The following ELP4 variants were observed in gnomAD, a reference collection of about 807,000 sequenced individuals.
ELP4 encodes the protein elongator complex protein 4.
A neutral mutation model predicts 48.9 loss-of-function variants in ELP4; 51 were observed. The ratio of observed to expected loss-of-function variants is 1.04; its 90% CI spans 0.83 to 1.32. ELP4 has a LOEUF of 1.32. Among genes scored for constraint, ELP4 ranks in the 40% most tolerant of loss-of-function variants. ELP4 has a pLI of 0.00. For synonymous variants in ELP4, 210 were observed against 189.2 expected, an observed-to-expected ratio of 1.11 and a Z score of -0.90; for missense variants, 519 against 514.6, an observed-to-expected ratio of 1.01 and a Z score of -0.08.
At chr11:31,531,221 G>C (rs1196937398) in intron 2 of ELP4, among the ~76,000 whole-genome samples, 1 of 152,086 alleles carries the variant, frequency 6.6e-6, no homozygotes, top group Non-Finnish European at 1.5e-5. Flanking sequence ...TGTATAAAAT[G>C]GTGTGTTTTC....
chr11:31,755,383 A>G (rs1947812082), intron 9 of ELP4, among the ~76,000 whole-genome samples: 1 of 152,232 alleles, frequency 6.6e-6, no homozygotes, highest in South Asian at 2.1e-4. Flanking sequence ...CTTACAAAGT[A>G]TAAGGTAAAA....
At chr11:31,646,212 G>A (rs1182633747) in intron 7 of ELP4, 1 of 151,728 alleles carries the variant, frequency 6.6e-6, no homozygotes, top group African/African-American at 2.4e-5. Flanking sequence ...TCCAAACTAT[G>A]TTTTTCTATA....
chr11:31,743,700 G>A (rs1378235097), intron 9 of ELP4, among the ~76,000 whole-genome samples: 3 of 151,930 alleles, frequency 2.0e-5, no homozygotes, highest in East Asian at 3.9e-4. Context: ...TGCAACCAAC[G>A]AGAACAAAGA....
chr11:31,518,363 C>T (rs1428443433), intron 1 of ELP4, among the ~76,000 whole-genome samples: 11 of 152,154 alleles, frequency 7.2e-5, no homozygotes. Context: ...GCCTCAGCCT[C>T]CCAAAGTGCT....
chr11:31,705,371 G>A (rs146270321), intron 9 of ELP4, among the ~76,000 whole-genome samples: 79 of 152,236 alleles, frequency 5.2e-4, no homozygotes, highest in African/African-American at 1.9e-3. Context: ...AAGCCCCACT[G>A]TCAAATACCA....
intron 6 of ELP4, among the ~76,000 whole-genome samples, chr11:31,628,979 C>CT (rs924551852): frequency 1.3e-5 from 2 of 151,618 alleles, no homozygotes; most frequent in East Asian, 1.9e-4. Context: ...AAGTTTTTAT[C>CT]TTTTTTTTAA....
intron 9 of ELP4, among the ~76,000 whole-genome samples, chr11:31,695,590 G>T (rs1012428243): frequency 1.7e-4 from 25 of 150,964 alleles, no homozygotes; most frequent in Non-Finnish European, 2.8e-4. Context: ...CTGCATAGAT[G>T]TTCATCAGGG....
intron 9 of ELP4, among the ~76,000 whole-genome samples, chr11:31,731,930 T>A (rs1403575662): frequency 2.7e-5 from 4 of 150,618 alleles, no homozygotes; most frequent in South Asian, 2.1e-4. Context: ...AAAAAAAAAA[T>A]TGCCAACAAA....
At chr11:31,552,438 T>C (rs560579929) in intron 3 of ELP4, among the ~76,000 whole-genome samples, 1 of 152,234 alleles carries the variant, frequency 6.6e-6, no homozygotes, top group East Asian at 1.9e-4. Context: ...ATTACTTTAG[T>C]CTATTGGAGA....
intron 9 of ELP4, chr11:31,779,847 G>A (rs970643775): frequency 1.3e-5 from 2 of 152,124 alleles, no homozygotes; most frequent in African/African-American, 4.8e-5. Flanking sequence ...AAAGTAGGCA[G>A]CCAGCCAGCC....
At chr11:31,718,153 G>A (rs1330095809) in intron 9 of ELP4, among the ~76,000 whole-genome samples, 2 of 152,094 alleles carry the variant, frequency 1.3e-5, no homozygotes, top group African/African-American at 4.8e-5. Flanking sequence ...CTGAATATAG[G>A]CAAATAGCAT....
chr11:31,576,604 G>A (rs1957283527), intron 3 of ELP4, among the ~76,000 whole-genome samples: 1 of 152,146 alleles, frequency 6.6e-6, no homozygotes. Flanking sequence ...TCAGACCATA[G>A]TGCAATCAAA....
chr11:31,719,512 A>G, intron 9 of ELP4: 2 of 398,258 alleles, frequency 5.0e-6, no homozygotes, highest in Non-Finnish European at 8.9e-6. Flanking sequence ...AAACTTGAAG[A>G]TTTGATTTTT....
intron 7 of ELP4, among the ~76,000 whole-genome samples, chr11:31,634,645 T>G (rs977832462): frequency 6.6e-6 from 1 of 151,974 alleles, no homozygotes; most frequent in African/African-American, 2.4e-5. Flanking sequence ...ACTGATTAAA[T>G]AATGAGTGAA....
chr11:31,556,997 A>G (rs1956940864), intron 3 of ELP4, among the ~76,000 whole-genome samples: 1 of 151,908 alleles, frequency 6.6e-6, no homozygotes, highest in Non-Finnish European at 1.5e-5. Flanking sequence ...ATATCTAGAA[A>G]ATCTTTCATA....
intron 9 of ELP4, among the ~76,000 whole-genome samples, chr11:31,714,208 C>G (rs1396439447): frequency 6.6e-6 from 1 of 152,064 alleles, no homozygotes; most frequent in Non-Finnish European, 1.5e-5. Flanking sequence ...GTATTTTAGG[C>G]ATGATAATAA....
chr11:31,770,302 A>G (rs1328741539), intron 9 of ELP4, among the ~76,000 whole-genome samples: 1 of 152,136 alleles, frequency 6.6e-6, no homozygotes, highest in Non-Finnish European at 1.5e-5. Context: ...AGTTGGGGAG[A>G]TATCAAGTAA....
At chr11:31,625,359 A>G (rs1006212365) in intron 5 of ELP4, among the ~76,000 whole-genome samples, 2 of 151,816 alleles carry the variant, frequency 1.3e-5, no homozygotes, top group African/African-American at 2.4e-5. Context: ...TTACACTCCC[A>G]TGTTTACTAT....
intron 5 of ELP4, among the ~76,000 whole-genome samples, chr11:31,611,097 T>G (rs547003358): frequency 5.3e-5 from 8 of 152,210 alleles, no homozygotes; most frequent in Non-Finnish European, 1.2e-4. Context: ...TCTTGCTCTT[T>G]GCTCTTTGGT....
Sources: allele counts gnomAD v4.1 joint callset (sites outside exome capture counted in the v4.1 genomes callset), GRCh38; gene constraint gnomAD v4.1.1; transcripts MANE v1.5; gene names NCBI Gene and HGNC (gene_info 2026-07-23, HGNC 2026-07-21).